Variants in SYN2 observed in about 807,000 individuals in gnomAD.
SYN2 encodes synapsin II.
SYN2 carries 19 observed loss-of-function variants against 50.9 expected under a neutral mutation model. The ratio of observed to expected loss-of-function variants is 0.37; its 90% confidence interval spans 0.26 to 0.55. SYN2 has a LOEUF of 0.55. SYN2 is among the 20% of genes least tolerant of loss of function. The pLI is 0.81. For missense variants in SYN2, 587 were observed against 576.4 expected, an observed-to-expected ratio of 1.02 and a Z score of -0.19; for synonymous variants, 255 against 224.9, an observed-to-expected ratio of 1.13 and a Z score of -1.20.
intron 11 of SYN2, chr3:12,183,708 C>T: frequency 8.0e-7 from 1 of 1,242,288 alleles, no homozygotes; most frequent in Non-Finnish European, 1.0e-6. Context: ...AATTGTGCCT[C>T]TCCCAAGTCC....
intron 1 of SYN2, among the ~76,000 whole-genome samples, chr3:12,025,933 T>G (rs1394724704): frequency 2.6e-5 from 4 of 152,232 alleles, no homozygotes; most frequent in Admixed American, 2.6e-4. Flanking sequence ...TAGCCAAGCC[T>G]CTTGTTTCTT....
chr3:12,070,299 C>T (rs750729975), intron 1 of SYN2: 107 of 494,416 alleles, frequency 2.2e-4, no homozygotes, highest in Non-Finnish European at 3.9e-4. Context: ...CTGGGGACGA[C>T]GCCCCCTGAG....
chr3:12,134,829 C>T (rs1696861187), intron 1 of SYN2, among the ~76,000 whole-genome samples: 2 of 152,094 alleles, frequency 1.3e-5, no homozygotes, highest in South Asian at 4.2e-4. Context: ...AGATGTAAAT[C>T]TGAAGAGTTG....
chr3:12,152,767 G>C (rs1055225957), intron 5 of SYN2, among the ~76,000 whole-genome samples: 1 of 152,212 alleles, frequency 6.6e-6, no homozygotes, highest in African/African-American at 2.4e-5. Flanking sequence ...ATTTAAAAGA[G>C]ACAGAAGAGA....
At position 12,183,688 on chromosome 3, in the gene SYN2, T is replaced by C. The variant is rs1435837145; in HGVS notation, c.1369+316T>C. On this transcript the variant is annotated intron_variant, in intron 11 of 12. Coordinates refer to ENST00000621198, the MANE Select transcript of SYN2 (RefSeq NM_133625.6). ...TGATTCCAGGGCTGTTTGTCAACAGTATACAAAAGAATTGTGCCTCTCCCA... is the reference window on the plus strand; with the variant it reads ...TGATTCCAGGGCTGTTTGTCAACAGCATACAAAAGAATTGTGCCTCTCCCA... The C allele has an allele frequency of 2.3e-6, 3 of 1,302,056 alleles. No homozygotes were observed. The African/African-American group carries it at 4.6e-5, about 20-fold the overall frequency. 80.7% of individuals were successfully genotyped at this position (1,302,056 alleles called of 1,614,324 possible). A position where few individuals can be genotyped will look rare whatever the true frequency, so the allele number is the denominator to read the frequency against.
At chr3:12,116,143 G>A (rs996024018) in intron 1 of SYN2, among the ~76,000 whole-genome samples, 4 of 152,130 alleles carry the variant, frequency 2.6e-5, no homozygotes, top group African/African-American at 7.2e-5. Flanking sequence ...ATAAATCAAA[G>A]TCTGGCAATA....
chr3:12,115,445 T>C (rs1000381834), intron 1 of SYN2, among the ~76,000 whole-genome samples: 2 of 152,212 alleles, frequency 1.3e-5, no homozygotes, highest in African/African-American at 4.8e-5. Context: ...TCAACCCTCG[T>C]ATCTTGTACT....
intron 1 of SYN2, among the ~76,000 whole-genome samples, chr3:12,047,243 C>A (rs1694759495): frequency 6.6e-6 from 1 of 151,978 alleles, no homozygotes; most frequent in Non-Finnish European, 1.5e-5. Flanking sequence ...AGGAGAGACA[C>A]CTGATCTATT....
At chr3:12,056,418 C>CTTT (rs5846742) in intron 1 of SYN2, among the ~76,000 whole-genome samples, 7,080 of 150,246 alleles carry the variant, frequency 0.047, 247 homozygotes, top group East Asian at 0.14. Flanking sequence ...AAGCAATACT[C>CTTT]TTTTTTTTTA....
At chr3:12,067,471 CACA>C (rs1695238719) in intron 1 of SYN2, among the ~76,000 whole-genome samples, 1 of 152,174 alleles carries the variant, frequency 6.6e-6, no homozygotes, top group African/African-American at 2.4e-5. Context: ...TGCATGGCAT[CACA>C]ACATCAATTC....
At chr3:12,005,021 C>G (rs1170089651) in intron 1 of SYN2, 93 bp downstream of exon 1, 2 of 394,008 alleles carry the variant, frequency 5.1e-6, no homozygotes, top group African/African-American at 4.2e-5. Context: ...GGAAACGTTT[C>G]AGACCAATAA....
At chr3:12,131,216 C>A (rs558986356) in intron 1 of SYN2, among the ~76,000 whole-genome samples, 1 of 152,232 alleles carries the variant, frequency 6.6e-6, no homozygotes, top group African/African-American at 2.4e-5. Flanking sequence ...CCTATGGAGA[C>A]ACTGAAGCAG....
chr3:12,190,205 G>A, intron 12 of SYN2, among the ~76,000 whole-genome samples: 1 of 152,216 alleles, frequency 6.6e-6, no homozygotes, highest in African/African-American at 2.4e-5. Flanking sequence ...TAAAGAAGCG[G>A]CCTTTGAGTC....
In SYN2 at chr3:12,187,382, ACC is replaced by A. The variant is rs1019848366; in HGVS notation, c.1386_1387del (p.Gln463ArgfsTer88). The A allele has an allele frequency of 3.2e-6, 5 of 1,546,552 alleles. No individual in the cohort carries two copies. The African/African-American group carries it at 6.9e-5, about 21-fold the overall frequency. Reference protein sequence around the residue: ...RPPPQGGPGQPQGMQPPGKVL... With the variant: ...RPPPQGGPGQXQGMQPPGKVL... ...TACTGAACCTAGGGGGCCCTGGGCA[ACC>A]CCAAGGAATGCAGCCCCCAGGCAAG... On this transcript the variant is annotated frameshift_variant, in exon 12 of 13. Coordinates refer to ENST00000621198, the MANE Select transcript of SYN2 (RefSeq NM_133625.6). LOFTEE classifies it high-confidence loss of function.
intron 1 of SYN2, among the ~76,000 whole-genome samples, chr3:12,104,827 C>G (rs1455068249): frequency 6.6e-6 from 1 of 151,888 alleles, no homozygotes; most frequent in Non-Finnish European, 1.5e-5. Context: ...CCTTGGCCTC[C>G]GAAAGTGCTG....
intron 1 of SYN2, among the ~76,000 whole-genome samples, chr3:12,062,671 T>C (rs573925862): frequency 2.0e-5 from 3 of 152,184 alleles, no homozygotes; most frequent in South Asian, 2.1e-4. Flanking sequence ...GTAGACAGTT[T>C]GGCAGTTTCT....
chr3:12,056,784 G>A (rs1694998889), intron 1 of SYN2, among the ~76,000 whole-genome samples: 1 of 152,102 alleles, frequency 6.6e-6, no homozygotes, highest in Non-Finnish European at 1.5e-5. Context: ...AGAAGTGTGG[G>A]TGGTATACCA....
chr3:12,063,925 AC>A (rs1196298195), intron 1 of SYN2, among the ~76,000 whole-genome samples: 1 of 152,008 alleles, frequency 6.6e-6, no homozygotes. Flanking sequence ...ATAACTTCCC[AC>A]CCCTTAAGTG....
At chr3:12,147,172 CAGAG>C (rs1016361813) in intron 4 of SYN2, among the ~76,000 whole-genome samples, 15 of 152,268 alleles carry the variant, frequency 9.9e-5, no homozygotes, top group Admixed American at 5.2e-4. Flanking sequence ...TTACACCACT[CAGAG>C]AGCTGAAGAG....
Sources: allele counts gnomAD v4.1 joint callset (sites outside exome capture counted in the v4.1 genomes callset), GRCh38; gene constraint gnomAD v4.1.1; transcripts MANE v1.5; gene names NCBI Gene and HGNC (gene_info 2026-07-23, HGNC 2026-07-21).